NKAIN3: variants seen among roughly 807,000 people sequenced by gnomAD.
The protein encoded by NKAIN3 is sodium/potassium-transporting ATPase subunit beta-1-interacting protein 3.
NKAIN3 carries 25 observed loss-of-function variants against 30.2 expected under a neutral mutation model. The ratio of observed to expected loss-of-function variants is 0.83; its 90% confidence interval spans 0.60 to 1.16. The LOEUF (loss-of-function observed/expected upper bound fraction) is 1.16. Among genes scored for constraint, NKAIN3 ranks in the 50% most tolerant of loss-of-function variants. The pLI, the probability that NKAIN3 is intolerant of heterozygous loss-of-function variation, is 0.00. For synonymous variants in NKAIN3, 91 were observed against 89.6 expected, an observed-to-expected ratio of 1.02 and a Z score of -0.09; for missense variants, 225 against 254.1, an observed-to-expected ratio of 0.89 and a Z score of 0.78.
chr8:62,617,244 G>T (rs1377059787), intron 3 of NKAIN3, among the ~76,000 whole-genome samples: 9 of 152,076 alleles, frequency 5.9e-5, no homozygotes, highest in African/African-American at 2.2e-4. Context: ...TGCAAGAATG[G>T]CCTAACACAC....
At chr8:62,256,607 G>A (rs1812269223) in intron 1 of NKAIN3, among the ~76,000 whole-genome samples, 1 of 152,138 alleles carries the variant, frequency 6.6e-6, no homozygotes, top group African/African-American at 2.4e-5. Context: ...CCTGTCCTCT[G>A]CACATGTAGC....
chr8:62,628,222 G>A (rs753780662), intron 3 of NKAIN3, among the ~76,000 whole-genome samples: 36 of 152,252 alleles, frequency 2.4e-4, no homozygotes, highest in African/African-American at 6.0e-4. Context: ...GCATGGGCCT[G>A]GAGAGGAAAG....
intron 1 of NKAIN3, among the ~76,000 whole-genome samples, chr8:62,562,419 A>C (rs946908478): frequency 6.6e-6 from 1 of 152,174 alleles, no homozygotes; most frequent in Non-Finnish European, 1.5e-5. Flanking sequence ...GAAAAAAATA[A>C]AATGCAAGGT....
chr8:62,504,716 TA>T (rs1807576679), intron 1 of NKAIN3, among the ~76,000 whole-genome samples: 1 of 152,178 alleles, frequency 6.6e-6, no homozygotes, highest in Non-Finnish European at 1.5e-5. Flanking sequence ...TTATTCTTCT[TA>T]AAACCCTTCA....
intron 3 of NKAIN3, among the ~76,000 whole-genome samples, chr8:62,598,004 C>T (rs916094130): frequency 6.6e-6 from 1 of 151,972 alleles, no homozygotes; most frequent in South Asian, 2.1e-4. Flanking sequence ...ACTAAAAGTT[C>T]CAACGTCAAA....
At chr8:62,603,895 A>G (rs896826261) in intron 3 of NKAIN3, among the ~76,000 whole-genome samples, 5 of 152,156 alleles carry the variant, frequency 3.3e-5, no homozygotes, top group African/African-American at 7.2e-5. Context: ...TTAGTGTCAA[A>G]GCTGAGAGAG....
intron 3 of NKAIN3, among the ~76,000 whole-genome samples, chr8:62,597,225 C>T (rs978314646): frequency 1.3e-5 from 2 of 152,026 alleles, no homozygotes; most frequent in Non-Finnish European, 2.9e-5. Context: ...AGTCTTGCCC[C>T]GTTGGCAAGC....
chr8:62,870,090 C>G (rs1820551991), intron 4 of NKAIN3, among the ~76,000 whole-genome samples: 1 of 151,036 alleles, frequency 6.6e-6, no homozygotes, highest in Non-Finnish European at 1.5e-5. Flanking sequence ...TTCTTTGAGG[C>G]TTTTGGATGT....
chr8:62,327,213 T>C (rs192009507), intron 1 of NKAIN3, among the ~76,000 whole-genome samples: 373 of 152,208 alleles, frequency 2.5e-3, no homozygotes, highest in African/African-American at 8.5e-3. Context: ...ATTTTGGGTA[T>C]TAACCTCTCA....
intron 3 of NKAIN3, among the ~76,000 whole-genome samples, chr8:62,670,901 A>ACACC (rs1563509771): frequency 6.6e-6 from 1 of 151,746 alleles, no homozygotes; most frequent in Non-Finnish European, 1.5e-5. Context: ...ACACACACAC[A>ACACC]CACACACACA....
rs551318191 is a variant in NKAIN3 at position 62,341,807 on chromosome 8, TTC to T, written c.54+92684_54+92685del. On this transcript the variant is annotated intron_variant, in intron 1 of 6. Transcript: ENST00000623646. ...ATGAGACCCATGAGGTTCATTGTGT[TTC>T]TCTTTTTCACTTTGTGTCCAGGACC... Among the ~76,000 whole-genome samples, 10 of 152,130 alleles carry T rather than the reference TTC, an allele frequency of 6.6e-5. No individual in the cohort carries two copies. In the South Asian group the frequency reaches 1.9e-3, roughly 28 times the overall value.
intron 1 of NKAIN3, among the ~76,000 whole-genome samples, chr8:62,299,630 G>C (rs1324982260): frequency 1.3e-5 from 2 of 151,772 alleles, no homozygotes; most frequent in Non-Finnish European, 2.9e-5. Context: ...ATACACATTT[G>C]ATTGTAAATT....
intron 1 of NKAIN3, among the ~76,000 whole-genome samples, chr8:62,279,825 C>T (rs1429797092): frequency 1.3e-5 from 2 of 152,022 alleles, no homozygotes; most frequent in African/African-American, 4.8e-5. Context: ...CCAGCTTTGT[C>T]CTTTTGGCTT....
intron 3 of NKAIN3, among the ~76,000 whole-genome samples, chr8:62,658,188 C>T (rs1247409528): frequency 6.6e-6 from 1 of 152,156 alleles, no homozygotes; most frequent in Admixed American, 6.5e-5. Context: ...TATGAAGACC[C>T]AGTTCTCTGA....
At chr8:62,576,550 C>T (rs565225268) in intron 1 of NKAIN3, among the ~76,000 whole-genome samples, 47 of 152,182 alleles carry the variant, frequency 3.1e-4, no homozygotes, top group African/African-American at 1.1e-3. Flanking sequence ...TTTTCTGAAT[C>T]ACAACCACTG....
At chr8:62,785,671 C>T (rs1165208018) in intron 4 of NKAIN3, among the ~76,000 whole-genome samples, 6 of 152,082 alleles carry the variant, frequency 3.9e-5, no homozygotes, top group South Asian at 4.2e-4. Context: ...GCAAGATTAG[C>T]GAACATCCAG....
chr8:62,935,254 G>T (rs7000012), intron 5 of NKAIN3, among the ~76,000 whole-genome samples: 1 of 152,054 alleles, frequency 6.6e-6, no homozygotes, highest in Non-Finnish European at 1.5e-5. Flanking sequence ...AATTCTTACA[G>T]ATCATTATGT....
At chr8:62,532,347 C>T (rs7812839) in intron 1 of NKAIN3, among the ~76,000 whole-genome samples, 70,527 of 151,856 alleles carry the variant, frequency 0.46, 16,856 homozygotes, top group African/African-American at 0.58. Flanking sequence ...TATCCCCTGC[C>T]CAGTCCCCTA....
chr8:62,953,911 T>C lies in NKAIN3; in HGVS notation c.542T>C (p.Ile181Thr), dbSNP rs1823350476. 5.1e-6 allele frequency: 5 copies of C among 973,328 alleles called. No homozygotes were observed. Among genetic ancestry groups the C allele is most frequent in the Non-Finnish European group, 4.9e-6 (4 of 818,488 alleles). 60.3% of individuals were successfully genotyped at this position (973,328 alleles called of 1,614,324 possible). A position where few individuals can be genotyped will look rare whatever the true frequency, so the allele number is the denominator to read the frequency against. Residue 181 changes from isoleucine (I) to threonine (T), a missense_variant, in exon 6 of 7, where the codon ATA becomes ACA. Ile to Thr is a moderately conservative substitution (Grantham distance 89, BLOSUM62 -1). Transcript: ENST00000623646. ...SMEEEDTFDF[I>T]GGLDTHSYYQ... ...TATGTTATATTTTCAGTTGATTTCA[T>C]AGGTGGACTTGATACACACTCCTAC...
Sources: allele counts gnomAD v4.1 joint callset (sites outside exome capture counted in the v4.1 genomes callset), GRCh38; gene constraint gnomAD v4.1.1; transcripts MANE v1.5; gene names NCBI Gene and HGNC (gene_info 2026-07-23, HGNC 2026-07-21).